The following RAB27B variants were observed in gnomAD, a reference collection of about 807,000 sequenced individuals.
The protein encoded by RAB27B is RAB27B, member RAS oncogene family, also known as ras-related protein Rab-27B.
A neutral mutation model predicts 24.6 loss-of-function variants in RAB27B; 15 were observed. The ratio of observed to expected loss-of-function variants is 0.61; its 90% CI spans 0.41 to 0.94. The LOEUF is 0.94. Among genes scored for constraint, RAB27B ranks in the 40% least tolerant of loss-of-function variants. The pLI is 0.00. For synonymous variants in RAB27B, 105 were observed against 92.5 expected (o/e 1.14, Z -0.78); for missense variants, 261 against 266.8 (o/e 0.98, Z 0.15).
intron 2 of RAB27B, among the ~76,000 whole-genome samples, chr18:54,800,133 A>G (rs532211791): frequency 1.8e-4 from 28 of 152,348 alleles, no homozygotes; most frequent in African/African-American, 6.0e-4. Context: ...ATTATAATCT[A>G]TCTTCCATCC....
intron 2 of RAB27B, among the ~76,000 whole-genome samples, chr18:54,728,903 C>CAAACAAAA (rs1909634671): frequency 2.1e-4 from 14 of 68,244 alleles, no homozygotes; most frequent in Non-Finnish European, 3.0e-4. Context: ...AAAAAAAACC[C>CAAACAAAA]AAAAAAAAAA....
intron 1 of RAB27B, among the ~76,000 whole-genome samples, chr18:54,836,581 C>T (rs940660909): frequency 1.3e-5 from 2 of 151,910 alleles, no homozygotes; most frequent in South Asian, 2.1e-4. Context: ...AGAAAAGGAA[C>T]AATTAAAATT....
At chr18:54,720,522 A>G (rs1006447385) in intron 2 of RAB27B, among the ~76,000 whole-genome samples, 5 of 152,132 alleles carry the variant, frequency 3.3e-5, no homozygotes, top group Non-Finnish European at 7.4e-5. Context: ...TAAAAGACAG[A>G]TTTTACATTA....
chr18:54,810,328 T>C (rs1909922154), intron 2 of RAB27B, among the ~76,000 whole-genome samples: 1 of 152,210 alleles, frequency 6.6e-6, no homozygotes, highest in Non-Finnish European at 1.5e-5. Flanking sequence ...CCTAATAATA[T>C]ATATTTATCA....
chr18:54,813,623 A>T (rs1170167729), intron 2 of RAB27B, among the ~76,000 whole-genome samples: 1 of 152,236 alleles, frequency 6.6e-6, no homozygotes, highest in Non-Finnish European at 1.5e-5. Context: ...GCCTTGCCAG[A>T]AGCCAAGTAG....
At chr18:54,876,967 T>G (rs1038591301) in intron 1 of RAB27B, among the ~76,000 whole-genome samples, 2 of 152,132 alleles carry the variant, frequency 1.3e-5, no homozygotes, top group African/African-American at 4.8e-5. Flanking sequence ...TGTTATATGG[T>G]TTGGCTGTGT....
intron 2 of RAB27B, among the ~76,000 whole-genome samples, chr18:54,808,786 T>A (rs1909874060): frequency 6.6e-6 from 1 of 152,050 alleles, no homozygotes; most frequent in Non-Finnish European, 1.5e-5. Flanking sequence ...ACTCCCCATA[T>A]CACTAAATGA....
intron 2 of RAB27B, among the ~76,000 whole-genome samples, chr18:54,778,211 G>T (rs1908777867): frequency 6.6e-6 from 1 of 152,070 alleles, no homozygotes; most frequent in African/African-American, 2.4e-5. Context: ...TAGCATTTGG[G>T]CATTTTGCCC....
At chr18:54,836,376 G>A (rs142409637) in intron 1 of RAB27B, among the ~76,000 whole-genome samples, 1 of 151,820 alleles carries the variant, frequency 6.6e-6, no homozygotes, top group African/African-American at 2.4e-5. Flanking sequence ...TATGCATGAG[G>A]CCAGGGACCC....
rs11152000 is a variant in RAB27B at position 54,804,880 on chromosome 18, C to T, written c.-19-72687C>T. On this transcript the variant is annotated intron_variant, in intron 2 of 4. Transcript: ENST00000586570. ...TCCTTCCTTTCTTTTTTTCTTTTTT[C>T]TTTCTTTCTTTCTCTTTCTCTCTCT... 4.8e-3 allele frequency among the ~76,000 whole-genome samples: 241 copies of T among 50,166 alleles called. 3 individuals are homozygous for T. The highest frequency in any genetic ancestry group is 0.014 in the Middle Eastern group (2 of 142). The allele number at this position is 50,166 out of a possible 152,430, so 32.9% of individuals were successfully genotyped here.
At chr18:54,799,136 AT>A (rs549958555) in intron 2 of RAB27B, among the ~76,000 whole-genome samples, 17 of 152,110 alleles carry the variant, frequency 1.1e-4, no homozygotes, top group East Asian at 1.9e-4. Context: ...TATTAGACTA[AT>A]TTTTTTTAAC....
chr18:54,719,638 A>G (rs1909296687), intron 2 of RAB27B, among the ~76,000 whole-genome samples: 1 of 151,940 alleles, frequency 6.6e-6, no homozygotes. Flanking sequence ...GTGGTAGTAA[A>G]CTTTCATTAG....
At chr18:54,795,173 C>T (rs1175256804) in intron 2 of RAB27B, among the ~76,000 whole-genome samples, 1 of 152,184 alleles carries the variant, frequency 6.6e-6, no homozygotes, top group African/African-American at 2.4e-5. Flanking sequence ...TGTCACATGC[C>T]TGAGGCAAGA....
rs1016413416 is a variant in RAB27B, at chr18:54,877,573, C to A, written c.-13C>A. 6 of 1,524,042 alleles carry A rather than the reference C, an allele frequency of 3.9e-6. No individual in the cohort carries two copies. The East Asian group carries it at 9.8e-5, about 25-fold the overall frequency. 94.4% of individuals were successfully genotyped at this position (1,524,042 alleles called of 1,614,324 possible). On this transcript the variant is annotated 5_prime_UTR_variant, in exon 2 of 6. Coordinates refer to ENST00000262094, the MANE Select transcript of RAB27B (RefSeq NM_004163.4). The stretch of plus-strand genomic sequence containing the variant: ...TTTTCCCTCTCCTATACAGACCGAC[C>A]AAGACCATCACTATGACCGATGGAG...
At chr18:54,801,569 A>T (rs57437425) in intron 2 of RAB27B, among the ~76,000 whole-genome samples, 5,751 of 152,194 alleles carry the variant, frequency 0.038, 131 homozygotes, top group Middle Eastern at 0.12. Flanking sequence ...AGCAGGGTTC[A>T]TCAGGTTCAG....
At chr18:54,741,750 C>T (rs911782678) in intron 2 of RAB27B, among the ~76,000 whole-genome samples, 1 of 152,156 alleles carries the variant, frequency 6.6e-6, no homozygotes, top group African/African-American at 2.4e-5. Context: ...AGTCCACCCA[C>T]CTCCATCTCC....
chr18:54,858,931 T>C (rs1911899689), intron 1 of RAB27B, among the ~76,000 whole-genome samples: 1 of 152,174 alleles, frequency 6.6e-6, no homozygotes, highest in South Asian at 2.1e-4. Flanking sequence ...TGACAGCTTT[T>C]TGTGATCTTT....
chr18:54,790,254 A>T (rs1438012595), intron 2 of RAB27B, among the ~76,000 whole-genome samples: 1 of 152,202 alleles, frequency 6.6e-6, no homozygotes. Context: ...TAAGAGAAAA[A>T]AAAGATATAA....
intron 2 of RAB27B, among the ~76,000 whole-genome samples, chr18:54,747,660 C>A (rs1379734835): frequency 6.6e-6 from 1 of 152,110 alleles, no homozygotes; most frequent in Non-Finnish European, 1.5e-5. Context: ...CATTTAAATT[C>A]TTTTGCTTCT....
Sources: allele counts gnomAD v4.1 joint callset (sites outside exome capture counted in the v4.1 genomes callset), GRCh38; gene constraint gnomAD v4.1.1; transcripts MANE v1.5; gene names NCBI Gene and HGNC (gene_info 2026-07-23, HGNC 2026-07-21).